Variants in BCAR3 observed in about 807,000 individuals in gnomAD.
BCAR3 encodes BCAR3 adaptor protein, NSP family member.
Under a neutral mutation model 80.1 loss-of-function variants are expected in BCAR3, and 37 were observed. That is an observed-to-expected ratio of 0.46 (90% CI 0.36 to 0.61). The LOEUF (loss-of-function observed/expected upper bound fraction) is 0.61. Ranked by LOEUF, BCAR3 falls within the 20% of genes least tolerant of loss-of-function variation. The pLI is 0.00. For synonymous variants in BCAR3, 389 were observed against 418.9 expected (o/e 0.93, Z 0.87); for missense variants, 978 against 1,068.2 (o/e 0.92, Z 1.18).
At chr1:93,826,581 C>T (rs1158945987) in intron 2 of BCAR3, among the ~76,000 whole-genome samples, 1 of 152,190 alleles carries the variant, frequency 6.6e-6, no homozygotes, top group African/African-American at 2.4e-5. Flanking sequence ...AGGAAGTGAT[C>T]CTCATGCTGC....
At chr1:93,759,418 G>A (rs1557678640) in intron 2 of BCAR3, among the ~76,000 whole-genome samples, 1 of 152,284 alleles carries the variant, frequency 6.6e-6, no homozygotes, top group East Asian at 1.9e-4. Flanking sequence ...TTCTTGGCTG[G>A]AAGGCTGTCT....
At chr1:93,837,073 A>G (rs1242539008) in intron 2 of BCAR3, among the ~76,000 whole-genome samples, 1 of 152,066 alleles carries the variant, frequency 6.6e-6, no homozygotes, top group Non-Finnish European at 1.5e-5. Flanking sequence ...GTCTCTTCAC[A>G]TGGATGCACA....
At chr1:93,664,092 G>A (rs1647785683) in intron 2 of BCAR3, among the ~76,000 whole-genome samples, 1 of 152,178 alleles carries the variant, frequency 6.6e-6, no homozygotes, top group Non-Finnish European at 1.5e-5. Flanking sequence ...AAAATGCCTG[G>A]TTCTTTCATT....
chr1:93,564,453 T>A (rs1672853017), intron 11 of BCAR3, among the ~76,000 whole-genome samples: 1 of 152,074 alleles, frequency 6.6e-6, no homozygotes, highest in Non-Finnish European at 1.5e-5. Context: ...TAATTTTGTA[T>A]TTTTAGTAGA....
chr1:93,618,672 T>G (rs2101887231), intron 3 of BCAR3, among the ~76,000 whole-genome samples: 1 of 152,276 alleles, frequency 6.6e-6, no homozygotes, highest in East Asian at 1.9e-4. Context: ...AATTTTCTGT[T>G]TTTAGCGTTC....
intron 2 of BCAR3, among the ~76,000 whole-genome samples, chr1:93,756,301 T>C (rs1651747545): frequency 6.6e-6 from 1 of 152,184 alleles, no homozygotes; most frequent in Admixed American, 6.5e-5. Flanking sequence ...AGGCTGTTAT[T>C]GGAGTGTTCA....
intron 3 of BCAR3, among the ~76,000 whole-genome samples, chr1:93,610,752 CA>C (rs1372205756): frequency 6.6e-6 from 1 of 152,114 alleles, no homozygotes; most frequent in Admixed American, 6.6e-5. Flanking sequence ...TCAAGATCAG[CA>C]CGGCCAACAT....
Position 93,562,496 on chromosome 1 carries a change from G to A in BCAR3, c.2300-77C>T, listed in dbSNP as rs915426449. 6.8e-5 allele frequency: 97 copies of A among 1,435,428 alleles called. 1 individual carries two copies. In the South Asian group the frequency reaches 7.2e-4, roughly 11 times the overall value. 88.9% of individuals were successfully genotyped at this position (1,435,428 alleles called of 1,614,324 possible). Reference sequence around the variant, plus strand: ...TAAAAATAGACTGAAAGCACCAGGCGCGGTGGCTCACGCCTGTAATCCCAG... The same window carrying A: ...TAAAAATAGACTGAAAGCACCAGGCACGGTGGCTCACGCCTGTAATCCCAG... On this transcript the variant is annotated intron_variant, in intron 11 of 11. Coordinates refer to ENST00000260502, the MANE Select transcript of BCAR3 (RefSeq NM_003567.4).
At chr1:93,577,205 T>G (rs1481336229) in intron 7 of BCAR3, among the ~76,000 whole-genome samples, 2 of 152,142 alleles carry the variant, frequency 1.3e-5, no homozygotes, top group Non-Finnish European at 2.9e-5. Context: ...AGCACAATGA[T>G]GTACTAAGAG....
intron 9 of BCAR3, among the ~76,000 whole-genome samples, chr1:93,569,154 G>T (rs1673101694): frequency 6.6e-6 from 1 of 152,188 alleles, no homozygotes; most frequent in Admixed American, 6.5e-5. Flanking sequence ...AAACAAGGAA[G>T]GGCATTAGTA....
chr1:93,720,760 AAC>A (rs1434330102), intron 2 of BCAR3, among the ~76,000 whole-genome samples: 1 of 152,232 alleles, frequency 6.6e-6, no homozygotes, highest in East Asian at 1.9e-4. Context: ...GAGCCAGAGG[AAC>A]ACAGACCCAC....
In BCAR3 at chr1:93,646,204, T is replaced by G. The variant is rs1013562257; in HGVS notation, c.318-3861A>C. Among the ~76,000 whole-genome samples, 3 of 152,228 alleles carry G rather than the reference T, an allele frequency of 2.0e-5. 1 individual carries two copies. Among genetic ancestry groups the G allele is most frequent in the Non-Finnish European group, 4.4e-5 (3 of 68,038 alleles). On this transcript the variant is annotated intron_variant, in intron 2 of 11. Coordinates refer to ENST00000260502, the MANE Select transcript of BCAR3 (RefSeq NM_003567.4). ...TGAATTAGACAAAGATATTTTACCT[T>G]TAATGAGAACATTAAAAATAAAATG...
chr1:93,637,403 C>T (rs1675820911), intron 3 of BCAR3, among the ~76,000 whole-genome samples: 1 of 152,134 alleles, frequency 6.6e-6, no homozygotes, highest in African/African-American at 2.4e-5. Context: ...GATCCACCCA[C>T]CTCGGGCTCC....
chr1:93,636,084 C>T (rs952283661), intron 3 of BCAR3, among the ~76,000 whole-genome samples: 2 of 152,198 alleles, frequency 1.3e-5, no homozygotes, highest in Non-Finnish European at 2.9e-5. Flanking sequence ...CAGCCGGCTG[C>T]AGGAAATGGC....
At chr1:93,640,198 T>C (rs549217319) in intron 3 of BCAR3, among the ~76,000 whole-genome samples, 15 of 152,258 alleles carry the variant, frequency 9.9e-5, no homozygotes, top group Non-Finnish European at 2.1e-4. Flanking sequence ...TTCCTGGCAC[T>C]GGTCAGCCCG....
chr1:93,817,870 C>G (rs1654074746), intron 2 of BCAR3, among the ~76,000 whole-genome samples: 1 of 152,178 alleles, frequency 6.6e-6, no homozygotes, highest in South Asian at 2.1e-4. Context: ...CTCCTCCCTG[C>G]TTTCCCACCC....
chr1:93,796,273 T>A, intron 2 of BCAR3, among the ~76,000 whole-genome samples: 1 of 130,072 alleles, frequency 7.7e-6, no homozygotes, highest in African/African-American at 3.4e-5. Context: ...CGCCTTGCAG[T>A]TTGATCTCAG....
rs886595206 is a variant in BCAR3 at position 93,846,760 on chromosome 1, GGGCAGCTGCGCGGCGTCCTTGGA to G, written c.-209+287_-209+309del. 5.1e-5 allele frequency: 22 copies of G among 434,960 alleles called. No homozygotes were observed. In the East Asian group the frequency reaches 6.4e-4, roughly 13 times the overall value. The allele number at this position is 434,960 out of a possible 1,614,324, so 26.9% of individuals were successfully genotyped here. ...CGCGGGCCCCGGGCGCGCGGGCTCG[GGGCAGCTGCGCGGCGTCCTTGGA>G]GGCAGGTGCTGGCGGCAAGACGAGC... On this transcript the variant is annotated intron_variant, in intron 1 of 13. Coordinates refer to the BCAR3 transcript ENST00000370244.
At chr1:93,615,025 T>TTA (rs1553232545) in intron 3 of BCAR3, among the ~76,000 whole-genome samples, 21 of 149,786 alleles carry the variant, frequency 1.4e-4, no homozygotes, top group African/African-American at 4.9e-4. Context: ...TTTTTTTTTT[T>TTA]AATCAAATCC....
Sources: allele counts gnomAD v4.1 joint callset (sites outside exome capture counted in the v4.1 genomes callset), GRCh38; gene constraint gnomAD v4.1.1; transcripts MANE v1.5; gene names NCBI Gene and HGNC (gene_info 2026-07-23, HGNC 2026-07-21).